HEXB: variants seen among roughly 807,000 people sequenced by gnomAD.
HEXB encodes the protein beta-hexosaminidase subunit beta.
HEXB carries 51 observed loss-of-function variants against 71.2 expected under a neutral mutation model. That is an observed-to-expected ratio of 0.72 (90% CI 0.57 to 0.90). The LOEUF (loss-of-function observed/expected upper bound fraction) is 0.90. Ranked by LOEUF, HEXB falls within the 40% of genes least tolerant of loss-of-function variation. The probability of loss-of-function intolerance (pLI) is 0.00; values close to 1 mark genes in which losing one functional copy is unlikely to be tolerated. For missense variants in HEXB, 617 were observed against 677.0 expected, an observed-to-expected ratio of 0.91 and a Z score of 0.98; for synonymous variants, 266 against 249.3, an observed-to-expected ratio of 1.07 and a Z score of -0.63.
chr5:74,646,643 C>A (rs918363947), intron 1 of HEXB, among the ~76,000 whole-genome samples: 2 of 151,614 alleles, frequency 1.3e-5, no homozygotes, highest in African/African-American at 4.9e-5. Flanking sequence ...TCTCGGCTCA[C>A]TGCAACCTCT....
chr5:74,643,982 A>G (rs1012970906), intron 1 of HEXB, among the ~76,000 whole-genome samples: 1 of 152,248 alleles, frequency 6.6e-6, no homozygotes, highest in African/African-American at 2.4e-5. Flanking sequence ...ATGGACTTCA[A>G]GGCTGTGTCC....
intron 6 of HEXB, chr5:74,705,799 A>G (rs1749373330): frequency 5.2e-6 from 1 of 193,266 alleles, no homozygotes; most frequent in Admixed American, 5.4e-5. Context: ...TCATGGACCA[A>G]TGGATCTGGG....
At chr5:74,698,774 G>A (rs1393805917) in intron 5 of HEXB, among the ~76,000 whole-genome samples, 1 of 152,174 alleles carries the variant, frequency 6.6e-6, no homozygotes, top group Non-Finnish European at 1.5e-5. Flanking sequence ...CAGATGCTTA[G>A]TGTAAAAAGT....
intron 5 of HEXB, among the ~76,000 whole-genome samples, chr5:74,697,655 C>T (rs768064968): frequency 7.0e-6 from 1 of 143,342 alleles, no homozygotes; most frequent in African/African-American, 2.6e-5. Flanking sequence ...GAACCCTCCC[C>T]GGGTGGAGGT....
intron 1 of HEXB, among the ~76,000 whole-genome samples, chr5:74,676,571 G>C (rs1314663000): frequency 1.3e-5 from 2 of 152,148 alleles, no homozygotes. Flanking sequence ...TTCAAGACCA[G>C]CCTGGCCAAC....
chr5:74,649,681 C>T (rs539390539), intron 1 of HEXB, among the ~76,000 whole-genome samples: 2 of 152,274 alleles, frequency 1.3e-5, no homozygotes, highest in South Asian at 4.1e-4. Flanking sequence ...AAAGGTGTGA[C>T]AAATGAGAAG....
intron 7 of HEXB, among the ~76,000 whole-genome samples, chr5:74,714,021 G>C (rs1485789616): frequency 2.6e-5 from 4 of 152,204 alleles, no homozygotes; most frequent in Non-Finnish European, 5.9e-5. Context: ...ATTTTTAGTA[G>C]AGACGGGGTT....
intron 1 of HEXB, among the ~76,000 whole-genome samples, chr5:74,654,965 T>G: frequency 6.6e-6 from 1 of 151,550 alleles, no homozygotes; most frequent in Non-Finnish European, 1.5e-5. Flanking sequence ...ATATGGGAGG[T>G]GAAATGTCCA....
intron 3 of HEXB, 139 bp from the exon 4 acceptor site, chr5:74,696,554 A>G (rs903730160): frequency 1.7e-6 from 1 of 580,702 alleles, no homozygotes; most frequent in South Asian, 2.1e-5. Flanking sequence ...GTATAACAAT[A>G]TATTTTAGAG....
chr5:74,684,674 CTTTTTTTTT>C (rs1191674612), upstream of HEXB, among the ~76,000 whole-genome samples: 1 of 133,904 alleles, frequency 7.5e-6, no homozygotes, highest in Non-Finnish European at 1.6e-5. Flanking sequence ...TTTTTCTTTT[CTTTTTTTTT>C]TTTTTTTTTT....
rs768307371 is a variant in HEXB, at chr5:74,689,331, T to C, written c.303T>C (p.Tyr101=). The C allele has an allele frequency of 3.1e-6, 5 of 1,612,392 alleles. No individual in the cohort carries two copies. Among genetic ancestry groups the C allele is most frequent in the East Asian group, 2.2e-5 (1 of 44,872 alleles). Residue 101 remains tyrosine (Y), a synonymous_variant, in exon 2 of 14, where the codon TAT becomes TAC. Coordinates refer to ENST00000261416, the MANE Select transcript of HEXB (RefSeq NM_000521.4). ...CTLLEEAFRR[Y]HGYIFGFYKW... ...TTTACATTTATTTCTCAAACAGATA[T>C]CATGGCTATATTTTTGGTTTCTACA...
intron 1 of HEXB, among the ~76,000 whole-genome samples, chr5:74,664,826 G>A (rs1212998591): frequency 6.6e-6 from 1 of 152,290 alleles, no homozygotes; most frequent in South Asian, 2.1e-4. Flanking sequence ...AATAGGGCAG[G>A]AAGAGGATGA....
At chr5:74,664,430 T>TTAA (rs768901546) in intron 1 of HEXB, among the ~76,000 whole-genome samples, 9 of 79,660 alleles carry the variant, frequency 1.1e-4, no homozygotes, top group Non-Finnish European at 2.0e-4. Flanking sequence ...ATTCTATCTC[T>TTAA]AAAAAAAAAA....
chr5:74,683,403 A>G (rs147082718), upstream of HEXB, among the ~76,000 whole-genome samples: 1,958 of 152,016 alleles, frequency 0.013, 37 homozygotes, highest in African/African-American at 0.045. Context: ...TCCCAGGTTC[A>G]AGTGATTCTT....
At chr5:74,713,412 G>A (rs986163884) in intron 6 of HEXB, 94 bp from the exon 7 acceptor site, 19 of 1,175,138 alleles carry the variant, frequency 1.6e-5, no homozygotes, top group Non-Finnish European at 2.4e-5. Context: ...GAAAAAATTA[G>A]CTGTCAAATA....
At chr5:74,720,824 G>C (rs1218665749) in intron 13 of HEXB, 77 bp downstream of exon 13, 5 of 1,128,576 alleles carry the variant, frequency 4.4e-6, no homozygotes, top group Non-Finnish European at 1.3e-6. Flanking sequence ...AAATAGAAAT[G>C]TATGTTACCT....
At chr5:74,677,035 C>T (rs1262136475) in intron 1 of HEXB, among the ~76,000 whole-genome samples, 4 of 151,862 alleles carry the variant, frequency 2.6e-5, no homozygotes, top group African/African-American at 7.2e-5. Flanking sequence ...TACAGGCGCC[C>T]GCCACCACAC....
At chr5:74,685,153 T>C, upstream of HEXB, 2 of 1,238,092 alleles carry the variant, frequency 1.6e-6, no homozygotes, top group Non-Finnish European at 2.1e-6. Context: ...CGCAGTCATC[T>C]GACTCGGTGA....
At chr5:74,675,261 C>T (rs1329701306) in intron 1 of HEXB, among the ~76,000 whole-genome samples, 1 of 152,082 alleles carries the variant, frequency 6.6e-6, no homozygotes, top group Non-Finnish European at 1.5e-5. Context: ...AATCAGGTAT[C>T]GAGAGCAATT....
Sources: gnomAD v4.1 joint callset for allele counts (sites outside exome capture counted in the v4.1 genomes callset) on GRCh38, gnomAD v4.1.1 for gene constraint, MANE v1.5 for transcripts, NCBI Gene and HGNC (gene_info 2026-07-23, HGNC 2026-07-21) for gene names.